TJP1: variants seen among roughly 807,000 people sequenced by gnomAD.
The protein encoded by TJP1 is tight junction protein 1, also known as tight junction protein ZO-1.
A neutral mutation model predicts 194.2 loss-of-function variants in TJP1; 43 were observed. That is an observed-to-expected ratio of 0.22 (90% CI 0.17 to 0.29). The LOEUF is 0.29. TJP1 is among the 10% of genes least tolerant of loss of function. TJP1 has a pLI of 1.00. For synonymous variants in TJP1, 801 were observed against 779.0 expected (o/e 1.03, Z -0.47); for missense variants, 1,971 against 2,185.7 (o/e 0.90, Z 1.96).
intron 2 of TJP1, among the ~76,000 whole-genome samples, chr15:29,838,162 C>T (rs1221836815): frequency 6.6e-5 from 10 of 152,140 alleles, no homozygotes; most frequent in Non-Finnish European, 1.0e-4. Flanking sequence ...TGGTAGCTCA[C>T]GCCTGTAATC....
intron 2 of TJP1, among the ~76,000 whole-genome samples, chr15:29,933,843 C>A (rs1329943006): frequency 6.6e-6 from 1 of 152,120 alleles, no homozygotes; most frequent in Non-Finnish European, 1.5e-5. Flanking sequence ...TGGATCATGA[C>A]TTGTCATCTG....
chr15:29,761,637 C>T lies in TJP1; in HGVS notation c.826G>A (p.Asp276Asn). The T allele has an allele frequency of 6.2e-7, 1 of 1,607,112 alleles. No individual in the cohort carries two copies. ...GAGGCATTAGCAGAGTGGATGCTGT[C>T]AGAAAGATCAGGGACATTCAATAGC... The part of the protein sequence containing the change: ...ATLLNVPDLS[D>N]SIHSANASER... The change falls in exon 7 of 28, where the codon GAC becomes AAC. Residue 276 changes from aspartate to asparagine, a missense_variant. Asp to Asn is a conservative substitution (Grantham distance 23). Around this residue, in one of 5 missense-constraint regions of TJP1, gnomAD observed 192 missense variants for 182.3 expected, o/e 1.05. Coordinates refer to ENST00000614355, the MANE Select transcript of TJP1 (RefSeq NM_001330239.4).
intron 8 of TJP1, among the ~76,000 whole-genome samples, chr15:29,747,051 G>A (rs1208897832): frequency 1.3e-5 from 2 of 152,024 alleles, no homozygotes; most frequent in South Asian, 2.1e-4. Context: ...TTGGGAGGCC[G>A]AGGTCGGTGG....
intron 4 of TJP1, among the ~76,000 whole-genome samples, chr15:29,769,726 G>A (rs1042287153): frequency 9.9e-5 from 15 of 152,152 alleles, no homozygotes; most frequent in African/African-American, 3.1e-4. Flanking sequence ...TGGGTGCACT[G>A]CAGTACTTAT....
intron 1 of TJP1, among the ~76,000 whole-genome samples, chr15:29,803,189 C>G (rs2048899049): frequency 6.6e-6 from 1 of 152,108 alleles, no homozygotes; most frequent in African/African-American, 2.4e-5. Context: ...TCTCCATTCC[C>G]CATCAGAACA....
chr15:29,871,019 C>CT (rs2052498601), intron 2 of TJP1, among the ~76,000 whole-genome samples: 1 of 152,152 alleles, frequency 6.6e-6, no homozygotes, highest in Non-Finnish European at 1.5e-5. Context: ...ACCTCCTCAA[C>CT]GCTAGCTGGA....
intron 2 of TJP1, among the ~76,000 whole-genome samples, chr15:29,794,291 T>C (rs1184924804): frequency 4.6e-5 from 7 of 152,178 alleles, no homozygotes; most frequent in African/African-American, 1.7e-4. Context: ...GTTTTCCTAG[T>C]ACAACAGTTA....
intron 20 of TJP1, 118 bp from the exon 21 acceptor site, chr15:29,719,256 T>A: frequency 8.1e-7 from 1 of 1,232,954 alleles, no homozygotes; most frequent in East Asian, 2.5e-5. Flanking sequence ...TGTTTTACCA[T>A]TTATTATCAG....
intron 5 of TJP1, among the ~76,000 whole-genome samples, chr15:29,764,589 G>A (rs2046214690): frequency 6.6e-6 from 1 of 152,156 alleles, no homozygotes; most frequent in Admixed American, 6.5e-5. Context: ...GAAAGAGTGG[G>A]ATGGATAAGA....
intron 1 of TJP1, among the ~76,000 whole-genome samples, chr15:29,818,176 AC>A (rs1268276490): frequency 6.6e-6 from 1 of 152,232 alleles, no homozygotes; most frequent in Non-Finnish European, 1.5e-5. Context: ...CTTAACAAAA[AC>A]ATTTAAGTAT....
chr15:29,705,509 GA>G lies in TJP1; in HGVS notation c.5068+18del. ...ACTCTTAAGTTATCAAAACTAAGGA[GA>G]AAAATAAACACATTTACCTTTCTCT... On this transcript the variant is annotated intron_variant, in intron 26 of 27. Coordinates refer to ENST00000614355, the MANE Select transcript of TJP1 (RefSeq NM_001330239.4). 1 of 1,612,974 alleles carries G rather than the reference GA, an allele frequency of 6.2e-7. No individual in the cohort carries two copies. Among genetic ancestry groups the G allele is most frequent in the Non-Finnish European group, 8.5e-7 (1 of 1,179,494 alleles).
intron 2 of TJP1, among the ~76,000 whole-genome samples, chr15:29,847,551 T>C (rs922347711): frequency 2.4e-4 from 37 of 152,202 alleles, no homozygotes; most frequent in African/African-American, 7.9e-4. Context: ...TTTGCGAGGC[T>C]GAGGTGGGCG....
chr15:29,728,251 G>T (rs958855774), intron 15 of TJP1: 7 of 427,862 alleles, frequency 1.6e-5, no homozygotes, highest in African/African-American at 6.1e-5. Flanking sequence ...CATTAAAGAA[G>T]AAAAAATATA....
chr15:29,787,622 T>C (rs1033132109), intron 2 of TJP1, among the ~76,000 whole-genome samples: 1 of 152,222 alleles, frequency 6.6e-6, no homozygotes, highest in Admixed American at 6.5e-5. Context: ...ATGACTGGCA[T>C]CTTTCAGTTA....
At chr15:29,760,820 G>A (rs1289439188) in intron 8 of TJP1, among the ~76,000 whole-genome samples, 2 of 152,142 alleles carry the variant, frequency 1.3e-5, no homozygotes, top group African/African-American at 2.4e-5. Context: ...CTGCAGCTGC[G>A]GATCAACCGC....
chr15:29,960,446 A>G (rs4779464), intron 1 of TJP1, among the ~76,000 whole-genome samples: 74,298 of 151,486 alleles, frequency 0.49, 18,715 homozygotes, highest in South Asian at 0.62. Flanking sequence ...CAGCTTGGGC[A>G]ACATAGAGAG....
At position 29,741,892 on chromosome 15, in the gene TJP1, C is replaced by G. The variant is rs551410953; in HGVS notation, c.1151-456G>C. 5.3e-5 allele frequency among the ~76,000 whole-genome samples: 8 copies of G among 152,282 alleles called. No individual in the cohort carries two copies. In the South Asian group the frequency reaches 1.7e-3, roughly 32 times the overall value. ...GCCTCCCAGGCAACCGATCTTAGCA[C>G]CTTGCTGATTCTGTTTTGTCTTCAC... On this transcript the variant is annotated intron_variant, in intron 9 of 27. Transcript: ENST00000614355.
intron 23 of TJP1, among the ~76,000 whole-genome samples, chr15:29,715,132 C>T (rs2042484493): frequency 6.6e-6 from 1 of 152,124 alleles, no homozygotes; most frequent in Admixed American, 6.5e-5. Flanking sequence ...GACAAATCCA[C>T]ATCTGTTTTT....
chr15:29,718,728 C>T lies in TJP1; in HGVS notation c.3414G>A (p.Leu1138=), dbSNP rs774454815. Residue 1138 remains leucine, a synonymous_variant, in exon 21 of 28, where the codon CTG becomes CTA. Transcript: ENST00000614355. The stretch of plus-strand genomic sequence containing the variant: ...CGTAACGTGGTCTGCTGTCGTAAGA[C>T]AGAGGGGCTGGCTCTTCAAAACGTG... ...YFPRFEEPAP[L]SYDSRPRYEQ... 7 of 1,613,984 alleles carry T rather than the reference C, an allele frequency of 4.3e-6. No homozygotes were observed. Among genetic ancestry groups the T allele is most frequent in the Non-Finnish European group, 5.9e-6 (7 of 1,180,036 alleles).
Sources: gnomAD v4.1 joint callset for allele counts (sites outside exome capture counted in the v4.1 genomes callset) on GRCh38, gnomAD v4.1.1 for gene constraint, gnomAD v4.1.1 regional missense constraint, MANE v1.5 for transcripts, NCBI Gene and HGNC (gene_info 2026-07-23, HGNC 2026-07-21) for gene names.